CFAP47: variants seen among roughly 807,000 people sequenced by gnomAD.
CFAP47 encodes cilia and flagella associated protein 47.
A neutral mutation model predicts 148.1 loss-of-function variants in CFAP47; 29 were observed. The observed-to-expected ratio is 0.20, with a 90% confidence interval of 0.15 to 0.27. The LOEUF is 0.27. Ranked by LOEUF, CFAP47 falls within the 10% of genes least tolerant of loss-of-function variation. CFAP47 has a pLI of 1.00. For missense variants in CFAP47, 1,872 were observed against 1,697.5 expected (o/e 1.10, Z -1.81); for synonymous variants, 664 against 577.3 (o/e 1.15, Z -2.15).
At chrX:36,222,752 G>A (rs782640230) in intron 45 of CFAP47, among the ~76,000 whole-genome samples, 136 of 109,960 alleles carry the variant, frequency 1.2e-3, no homozygotes, top group Middle Eastern at 4.7e-3. Flanking sequence ...AGTTTTTAGC[G>A]CAAAATCACT....
At chrX:35,955,108 C>T (rs1295620557) in intron 7 of CFAP47, among the ~76,000 whole-genome samples, 3 of 112,169 alleles carry the variant, frequency 2.7e-5, no homozygotes, top group African/African-American at 9.7e-5. Flanking sequence ...CTCTTTCCTC[C>T]TTCGTCTTCA....
intron 1 of CFAP47, 127 bp downstream of exon 1, chrX:35,920,175 A>G: frequency 1.4e-6 from 1 of 728,273 alleles, no homozygotes. Flanking sequence ...GCTTCCCGGG[A>G]AACAGTGACA....
At chrX:36,191,854 G>A (rs1295934963) in intron 42 of CFAP47, among the ~76,000 whole-genome samples, 1 of 110,299 alleles carries the variant, frequency 9.1e-6, no homozygotes, top group Non-Finnish European at 1.9e-5. Context: ...ATAGTGGCAC[G>A]CACCTGTAGT....
chrX:36,012,348 T>C (rs1215047984), intron 21 of CFAP47, among the ~76,000 whole-genome samples: 1 of 111,750 alleles, frequency 8.9e-6, no homozygotes, highest in Non-Finnish European at 1.9e-5. Flanking sequence ...ATCTTTCTAC[T>C]ATAAAGACAC....
Position 36,242,867 on chromosome X carries a change from G to A in CFAP47, c.7332+6008G>A, listed in dbSNP as rs1555996283. Among the ~76,000 whole-genome samples the A allele has an allele frequency of 6.3e-5, 7 of 111,210 alleles. No individual in the cohort carries two copies. The South Asian group carries it at 1.9e-3, about 30-fold the overall frequency. Reference sequence around the variant, plus strand: ...ACTATACAAGACAACTATCCCAAAGGCACATGCTCATCACATTCACCAAGG... The same window carrying A: ...ACTATACAAGACAACTATCCCAAAGACACATGCTCATCACATTCACCAAGG... On this transcript the variant is annotated intron_variant, in intron 48 of 63. Coordinates refer to ENST00000378653, the MANE Select transcript of CFAP47 (RefSeq NM_001304548.2).
At chrX:36,338,993 G>A (rs1177529013) in intron 57 of CFAP47, among the ~76,000 whole-genome samples, 1 of 111,999 alleles carries the variant, frequency 8.9e-6, no homozygotes, top group Admixed American at 9.5e-5. Context: ...CTCACTTGCC[G>A]ACACATTCTG....
chrX:36,308,963 G>A (rs886658268), intron 55 of CFAP47, among the ~76,000 whole-genome samples: 1 of 111,353 alleles, frequency 9.0e-6, no homozygotes, highest in Non-Finnish European at 1.9e-5. Context: ...GATTAATTTG[G>A]TCAGGACATC....
intron 3 of CFAP47, among the ~76,000 whole-genome samples, chrX:35,947,486 G>A (rs1260245877): frequency 1.8e-5 from 2 of 109,770 alleles, no homozygotes; most frequent in African/African-American, 6.6e-5. Context: ...ACATGTGGGT[G>A]TAATTGATAG....
intron 49 of CFAP47, among the ~76,000 whole-genome samples, chrX:36,258,173 G>C (rs1258671102): frequency 6.3e-5 from 7 of 111,955 alleles, no homozygotes; most frequent in Non-Finnish European, 5.6e-5. Context: ...TTGCTACACT[G>C]GAATGGGATC....
chrX:36,248,749 A>T (rs1356302958), intron 48 of CFAP47, among the ~76,000 whole-genome samples: 1 of 110,801 alleles, frequency 9.0e-6, no homozygotes, highest in African/African-American at 3.3e-5. Flanking sequence ...TCAAGCATAC[A>T]TGGAATATTC....
chrX:36,147,827 C>T (rs192481298), intron 36 of CFAP47, among the ~76,000 whole-genome samples: 52 of 112,429 alleles, frequency 4.6e-4, no homozygotes, highest in African/African-American at 1.5e-3. Flanking sequence ...GCTACTTTTT[C>T]ACTCTTCGAA....
Position 36,371,747 on chromosome X carries a change from T to C in CFAP47, c.9185+4620T>C, listed in dbSNP as rs782290960. Among the ~76,000 whole-genome samples, 360 of 51,958 alleles carry C rather than the reference T, an allele frequency of 6.9e-3. 47 individuals are homozygous for C. Among genetic ancestry groups the C allele is most frequent in the African/African-American group, 0.047 (311 of 6,618 alleles). The allele number at this position is 51,958 out of a possible 115,157, so 45.1% of individuals were successfully genotyped here. A position where few individuals can be genotyped will look rare whatever the true frequency, so the allele number is the denominator to read the frequency against. On this transcript the variant is annotated intron_variant, in intron 62 of 63. Coordinates refer to ENST00000378653, the MANE Select transcript of CFAP47 (RefSeq NM_001304548.2). The stretch of plus-strand genomic sequence containing the variant: ...ACACACATGTGTGTATATATGTGTG[T>C]ATATACACACATGTGTGTATATACA...
In CFAP47 at chrX:36,035,802, T is replaced by C. The variant is rs1937331372; in HGVS notation, c.3759T>C (p.Asn1253=). The C allele has an allele frequency of 3.4e-6, 1 of 296,695 alleles. No homozygotes were observed. The highest frequency in any genetic ancestry group is 6.1e-5 in the Admixed American group (1 of 16,396). 24.5% of individuals were successfully genotyped at this position (296,695 alleles called of 1,213,427 possible). A position where few individuals can be genotyped will look rare whatever the true frequency, so the allele number is the denominator to read the frequency against. ...KDGTFKFSVL[N]GILRPNEKYN... is the part of the protein sequence containing the mutation. The stretch of plus-strand genomic sequence containing the variant: ...GCACATTCAAGTTCAGTGTACTGAA[T>C]GGGATTCTACGACCAAATGAAAAGT... Residue 1253 remains asparagine, a synonymous_variant, in exon 24 of 64, where the codon AAT becomes AAC. Coordinates refer to ENST00000378653, the MANE Select transcript of CFAP47 (RefSeq NM_001304548.2).
chrX:36,156,239 A>G (rs1292375325), intron 37 of CFAP47, among the ~76,000 whole-genome samples: 1 of 111,069 alleles, frequency 9.0e-6, no homozygotes, highest in East Asian at 2.8e-4. Context: ...GAGTAATTTT[A>G]TCATTATAAG....
At chrX:36,355,395 G>A (rs1454775131) in intron 60 of CFAP47, among the ~76,000 whole-genome samples, 1 of 111,565 alleles carries the variant, frequency 9.0e-6, no homozygotes, top group Non-Finnish European at 1.9e-5. Flanking sequence ...AATTGAAATC[G>A]GGAGTTCCAA....
intron 15 of CFAP47, among the ~76,000 whole-genome samples, chrX:35,982,753 A>C (rs1306218045): frequency 2.7e-5 from 3 of 111,301 alleles, no homozygotes; most frequent in Non-Finnish European, 5.7e-5. Context: ...ATTTTGTCAA[A>C]GATCAGATCA....
chrX:36,208,952 G>A (rs371262044), intron 45 of CFAP47, among the ~76,000 whole-genome samples: 2 of 111,301 alleles, frequency 1.8e-5, no homozygotes, highest in African/African-American at 3.3e-5. Context: ...GGCGACAAGA[G>A]AGAAACTCTA....
rs1569329244 is a variant in CFAP47, at chrX:36,371,717, TATATACACAC to T, written c.9185+4593_9185+4602del. 5.4e-4 allele frequency among the ~76,000 whole-genome samples: 32 copies of T among 58,728 alleles called. 5 individuals carry two copies. The highest frequency in any genetic ancestry group is 2.8e-3 in the African/African-American group (25 of 9,039). The allele number at this position is 58,728 out of a possible 115,157, so 51.0% of individuals were successfully genotyped here. On this transcript the variant is annotated intron_variant, in intron 62 of 63. Coordinates refer to ENST00000378653, the MANE Select transcript of CFAP47 (RefSeq NM_001304548.2). ...ATACACACATGTGTATATATGTGTG[TATATACACAC>T]ATGTGTGTATATATGTGTGTATATA... is the stretch of plus-strand genomic sequence containing the variant.
At chrX:36,278,168 T>G (rs148444146) in intron 49 of CFAP47, among the ~76,000 whole-genome samples, 7 of 112,471 alleles carry the variant, frequency 6.2e-5, no homozygotes, top group African/African-American at 2.3e-4. Flanking sequence ...TCTAATGCCT[T>G]TTGTTCAGCT....
Sources: gnomAD v4.1 joint callset for allele counts (sites outside exome capture counted in the v4.1 genomes callset) on GRCh38, gnomAD v4.1.1 for gene constraint, MANE v1.5 for transcripts, NCBI Gene and HGNC (gene_info 2026-07-23, HGNC 2026-07-21) for gene names.